MAF: variants seen among roughly 807,000 people sequenced by gnomAD.
MAF encodes the protein transcription factor Maf.
In MAF, 10 loss-of-function variants were observed where a neutral mutation model predicts 22.0. The observed-to-expected ratio is 0.45, with a 90% CI of 0.28 to 0.77. MAF has a LOEUF of 0.77. MAF is among the 30% of genes least tolerant of loss of function. The pLI is 0.12. For missense variants in MAF, 544 were observed against 548.4 expected (o/e 0.99, Z 0.08); for synonymous variants, 337 against 255.8 (o/e 1.32, Z -3.03).
the MAF span, among the ~76,000 whole-genome samples, chr16:79,313,821 G>C: frequency 6.6e-6 from 1 of 152,154 alleles, no homozygotes; most frequent in Non-Finnish European, 1.5e-5. Flanking sequence ...CAGGCTTGGA[G>C]TCAGGGGGAT....
the MAF span, among the ~76,000 whole-genome samples, chr16:79,370,674 T>C: frequency 3.3e-5 from 5 of 152,190 alleles, no homozygotes; most frequent in East Asian, 9.6e-4. Flanking sequence ...CATCAGTGAG[T>C]TCTGATTGTT....
At chr16:79,397,903 T>G in the MAF span, among the ~76,000 whole-genome samples, 10 of 152,336 alleles carry the variant, frequency 6.6e-5, no homozygotes, top group African/African-American at 2.4e-4. Flanking sequence ...GGCCTGATTC[T>G]GGAGAGAAAG....
chr16:79,509,182 C>T, the MAF span, among the ~76,000 whole-genome samples: 88 of 152,230 alleles, frequency 5.8e-4, no homozygotes, highest in East Asian at 0.015. Context: ...AAACCATCTC[C>T]GAGGCGTGGT....
At chr16:79,410,209 C>T in the MAF span, among the ~76,000 whole-genome samples, 2 of 152,212 alleles carry the variant, frequency 1.3e-5, no homozygotes, top group Non-Finnish European at 1.5e-5. Flanking sequence ...TACGTCACTT[C>T]CCTTTTTTTG....
At chr16:79,571,590 T>C in the MAF span, among the ~76,000 whole-genome samples, 46,390 of 143,868 alleles carry the variant, frequency 0.32, 7,790 homozygotes, top group Non-Finnish European at 0.38. Context: ...CCCCATAAAA[T>C]GGGAAACTGT....
At chr16:79,473,864 T>A in the MAF span, among the ~76,000 whole-genome samples, 462 of 152,178 alleles carry the variant, frequency 3.0e-3, 2 homozygotes, top group African/African-American at 0.01. Context: ...TTTGGAAAAA[T>A]TAAATGAGAA....
At chr16:79,268,281 T>C in the MAF span, among the ~76,000 whole-genome samples, 4 of 152,026 alleles carry the variant, frequency 2.6e-5, no homozygotes, top group African/African-American at 9.7e-5. Flanking sequence ...AATGTAGTCG[T>C]CTCAGCCTGA....
At chr16:79,527,628 T>C in the MAF span, among the ~76,000 whole-genome samples, 4 of 152,144 alleles carry the variant, frequency 2.6e-5, no homozygotes, top group Non-Finnish European at 5.9e-5. Flanking sequence ...AAGGTGATGA[T>C]ACAATCATTA....
chr16:79,212,304 G>C, the MAF span: 3 of 948,346 alleles, frequency 3.2e-6, no homozygotes, highest in African/African-American at 1.7e-5. Flanking sequence ...GCAACTGCTG[G>C]GGAGACAAAT....
chr16:79,338,444 C>T, the MAF span, among the ~76,000 whole-genome samples: 3 of 152,238 alleles, frequency 2.0e-5, no homozygotes, highest in East Asian at 3.9e-4. Flanking sequence ...AGATTTTCTA[C>T]ACTTTTGGGA....
the MAF span, among the ~76,000 whole-genome samples, chr16:79,524,576 T>A: frequency 6.6e-6 from 1 of 152,236 alleles, no homozygotes; most frequent in Admixed American, 6.5e-5. Flanking sequence ...GGTTCCTCCA[T>A]CATTGCACTT....
chr16:79,576,074 T>C, the MAF span, among the ~76,000 whole-genome samples: 1 of 152,122 alleles, frequency 6.6e-6, no homozygotes, highest in South Asian at 2.1e-4. Context: ...CCTATAGGGT[T>C]ACCCTCATAA....
chr16:79,423,431 G>C, the MAF span, among the ~76,000 whole-genome samples: 2 of 152,136 alleles, frequency 1.3e-5, no homozygotes, highest in Non-Finnish European at 2.9e-5. Flanking sequence ...AGGAGTCTGA[G>C]CAAATCAAAC....
chr16:79,554,768 G>A, the MAF span, among the ~76,000 whole-genome samples: 2 of 152,118 alleles, frequency 1.3e-5, no homozygotes, highest in African/African-American at 4.8e-5. Context: ...GTACCCTTAA[G>A]TTTGAAAATT....
At chr16:79,523,436 T>G in the MAF span, among the ~76,000 whole-genome samples, 2 of 152,230 alleles carry the variant, frequency 1.3e-5, no homozygotes, top group Non-Finnish European at 2.9e-5. Context: ...CACATGTTAC[T>G]TATTTCTATT....
At chr16:79,213,679 G>A in the MAF span, among the ~76,000 whole-genome samples, 3 of 151,538 alleles carry the variant, frequency 2.0e-5, no homozygotes, top group Non-Finnish European at 4.4e-5. Flanking sequence ...CCCAGAACCG[G>A]CATCCAGCAG....
At chr16:79,352,278 C>A in the MAF span, among the ~76,000 whole-genome samples, 1 of 152,184 alleles carries the variant, frequency 6.6e-6, no homozygotes, top group Non-Finnish European at 1.5e-5. Context: ...TCTGTCAATG[C>A]AAGACTCCTT....
At chr16:79,378,465 A>G in the MAF span, among the ~76,000 whole-genome samples, 4 of 152,352 alleles carry the variant, frequency 2.6e-5, no homozygotes, top group South Asian at 8.3e-4. Context: ...TGTAAGGTGT[A>G]TTCACACTAC....
the MAF span, among the ~76,000 whole-genome samples, chr16:79,393,269 C>G: frequency 1.3e-5 from 2 of 151,580 alleles, no homozygotes; most frequent in Non-Finnish European, 2.9e-5. Context: ...GACTGGATTC[C>G]AAAGGGATTT....
Sources: allele counts gnomAD v4.1 joint callset (sites outside exome capture counted in the v4.1 genomes callset), GRCh38; gene constraint gnomAD v4.1.1; transcripts MANE v1.5; gene names NCBI Gene and HGNC (gene_info 2026-07-23, HGNC 2026-07-21).